Variants in SLC4A4 observed in about 807,000 individuals in gnomAD.
The protein encoded by SLC4A4 is solute carrier family 4 member 4, also known as electrogenic sodium bicarbonate cotransporter 1.
A neutral mutation model predicts 111.5 loss-of-function variants in SLC4A4; 27 were observed. That is an observed-to-expected ratio of 0.24 (90% CI 0.18 to 0.33). The LOEUF is 0.33. Ranked by LOEUF, SLC4A4 falls within the 10% of genes least tolerant of loss-of-function variation. The pLI is 1.00. For missense variants in SLC4A4, 909 were observed against 1,315.5 expected, an observed-to-expected ratio of 0.69 and a Z score of 4.78; for synonymous variants, 443 against 463.4, an observed-to-expected ratio of 0.96 and a Z score of 0.57.
At chr4:71,493,471 A>G (rs1730118528) in intron 15 of SLC4A4, among the ~76,000 whole-genome samples, 1 of 151,996 alleles carries the variant, frequency 6.6e-6, no homozygotes, top group African/African-American at 2.4e-5. Context: ...TGATTTCTTC[A>G]GTGCCTAATG....
chr4:71,463,475 A>T (rs34302302), intron 12 of SLC4A4, among the ~76,000 whole-genome samples: 26,663 of 152,154 alleles, frequency 0.18, 2,853 homozygotes, highest in South Asian at 0.38. Context: ...AATACTGGAA[A>T]CATCTCTAAG....
chr4:71,137,471 T>C (rs1429007845), intron 2 of SLC4A4, among the ~76,000 whole-genome samples: 1 of 152,242 alleles, frequency 6.6e-6, no homozygotes, highest in Non-Finnish European at 1.5e-5. Flanking sequence ...CATTAAATAA[T>C]ATTTAGTGAA....
intron 2 of SLC4A4, among the ~76,000 whole-genome samples, chr4:71,156,504 T>C (rs1186439777): frequency 6.6e-6 from 1 of 152,006 alleles, no homozygotes; most frequent in Non-Finnish European, 1.5e-5. Flanking sequence ...ATTAAACTTA[T>C]TGGTATAAAG....
At chr4:71,101,234 G>T (rs985846297) in intron 2 of SLC4A4, among the ~76,000 whole-genome samples, 46 of 152,156 alleles carry the variant, frequency 3.0e-4, no homozygotes, top group African/African-American at 1.1e-3. Flanking sequence ...ACTCCAGCCT[G>T]GGCAACAGTG....
intron 6 of SLC4A4, among the ~76,000 whole-genome samples, chr4:71,376,009 A>G (rs568546365): frequency 2.8e-4 from 43 of 151,322 alleles, no homozygotes; most frequent in Non-Finnish European, 5.6e-4. Context: ...TAGGATTTTC[A>G]TCATGTAATT....
chr4:71,224,064 G>A (rs879032768), intron 1 of SLC4A4, among the ~76,000 whole-genome samples: 2 of 151,986 alleles, frequency 1.3e-5, no homozygotes, highest in Non-Finnish European at 2.9e-5. Flanking sequence ...TTAGGAATGC[G>A]GGCTCTCACA....
chr4:71,228,712 C>CT (rs142671321), intron 1 of SLC4A4, among the ~76,000 whole-genome samples: 172 of 152,106 alleles, frequency 1.1e-3, no homozygotes, highest in African/African-American at 4.0e-3. Context: ...TACAAATGAG[C>CT]TTTTTTAAAT....
chr4:71,386,793 T>C (rs1718770189), intron 6 of SLC4A4, among the ~76,000 whole-genome samples: 1 of 152,198 alleles, frequency 6.6e-6, no homozygotes, highest in Non-Finnish European at 1.5e-5. Context: ...TTCTTTTGCC[T>C]GCTTTTTTCT....
At chr4:71,425,605 A>G (rs559262973) in intron 7 of SLC4A4, among the ~76,000 whole-genome samples, 1 of 152,250 alleles carries the variant, frequency 6.6e-6, no homozygotes, top group African/African-American at 2.4e-5. Context: ...GGTTTTATAC[A>G]TTTTAGAGAG....
At chr4:71,376,617 T>C (rs995112924) in intron 6 of SLC4A4, among the ~76,000 whole-genome samples, 3 of 148,530 alleles carry the variant, frequency 2.0e-5, no homozygotes, top group Non-Finnish European at 4.5e-5. Context: ...AAAATATATA[T>C]ACATATATTT....
intron 1 of SLC4A4, among the ~76,000 whole-genome samples, chr4:71,092,514 T>G (rs1268828826): frequency 6.6e-6 from 1 of 152,188 alleles, no homozygotes; most frequent in African/African-American, 2.4e-5. Flanking sequence ...TATTTGATTT[T>G]AAGTATTTTG....
chr4:71,460,281 C>T (rs1260347719), intron 12 of SLC4A4, among the ~76,000 whole-genome samples: 2 of 151,892 alleles, frequency 1.3e-5, no homozygotes, highest in East Asian at 1.9e-4. Context: ...TTTCTGTTTT[C>T]GTTTAAATTT....
Position 71,196,629 on chromosome 4 carries a change from G to A in SLC4A4, c.-2+9228G>A, listed in dbSNP as rs544653539. On this transcript the variant is annotated intron_variant, in intron 1 of 25. Coordinates refer to ENST00000264485, the MANE Select transcript of SLC4A4 (RefSeq NM_001098484.3). ...CAGTATACTTTCCCATGGTCCTCAC[G>A]GTGGCCAGAAAATGCTTATTTAATG... is the stretch of plus-strand genomic sequence containing the variant. Among the ~76,000 whole-genome samples the A allele has an allele frequency of 3.3e-5, 5 of 151,528 alleles. No individual in the cohort carries two copies. The East Asian group carries it at 5.8e-4, about 18-fold the overall frequency.
At chr4:71,539,331 T>C (rs1362550872) in intron 18 of SLC4A4, among the ~76,000 whole-genome samples, 1 of 152,122 alleles carries the variant, frequency 6.6e-6, no homozygotes, top group Admixed American at 6.6e-5. Flanking sequence ...GTTTTTAAAC[T>C]TTCACACTTT....
At chr4:71,240,063 G>C (rs1456749171) in intron 2 of SLC4A4, among the ~76,000 whole-genome samples, 2 of 152,018 alleles carry the variant, frequency 1.3e-5, no homozygotes, top group Non-Finnish European at 2.9e-5. Flanking sequence ...ACATAGATGG[G>C]GGAAATTGCT....
At chr4:71,405,580 G>A (rs1369319883) in intron 7 of SLC4A4, among the ~76,000 whole-genome samples, 2 of 152,050 alleles carry the variant, frequency 1.3e-5, no homozygotes, top group African/African-American at 4.8e-5. Context: ...TATTTCTGGA[G>A]GAGAAATTTT....
chr4:71,496,688 C>A (rs4589998), intron 15 of SLC4A4, among the ~76,000 whole-genome samples: 21,111 of 152,018 alleles, frequency 0.14, 2,020 homozygotes, highest in African/African-American at 0.27. Flanking sequence ...CAAAAGGATT[C>A]TCCTATGTAT....
chr4:71,244,795 C>T (rs1399033282), intron 2 of SLC4A4, among the ~76,000 whole-genome samples: 3 of 149,912 alleles, frequency 2.0e-5, no homozygotes, highest in Non-Finnish European at 4.4e-5. Flanking sequence ...TTCTTTAAGC[C>T]GATCAAAATG....
intron 18 of SLC4A4, among the ~76,000 whole-genome samples, chr4:71,536,725 A>G (rs1560598626): frequency 6.6e-6 from 1 of 150,432 alleles, no homozygotes; most frequent in Non-Finnish European, 1.5e-5. Context: ...TGAACTCCTG[A>G]CCTCGTGATC....
Sources: allele counts gnomAD v4.1 joint callset (sites outside exome capture counted in the v4.1 genomes callset), GRCh38; gene constraint gnomAD v4.1.1; transcripts MANE v1.5; gene names NCBI Gene and HGNC (gene_info 2026-07-23, HGNC 2026-07-21).